The following DPYD variants were observed in gnomAD, a reference collection of about 807,000 sequenced individuals.
DPYD encodes the protein dihydropyrimidine dehydrogenase [NADP(+)].
DPYD carries 109 observed loss-of-function variants against 116.2 expected under a neutral mutation model. The observed-to-expected ratio is 0.94, with a 90% CI of 0.80 to 1.10. The LOEUF (loss-of-function observed/expected upper bound fraction) is 1.10. DPYD is among the 50% of genes least tolerant of loss of function. The probability of loss-of-function intolerance (pLI) is 0.00; values close to 1 mark genes in which losing one functional copy is unlikely to be tolerated. For synonymous variants in DPYD, 440 were observed against 432.0 expected, an observed-to-expected ratio of 1.02 and a Z score of -0.23; for missense variants, 1,302 against 1,254.5, an observed-to-expected ratio of 1.04 and a Z score of -0.57.
intron 3 of DPYD, among the ~76,000 whole-genome samples, chr1:97,779,300 A>AAC (rs889732797): frequency 1.4e-4 from 11 of 78,680 alleles, no homozygotes; most frequent in African/African-American, 2.4e-4. Context: ...TAATTTTGCA[A>AAC]ACACACACAC....
chr1:97,453,206 G>T (rs569312990), intron 13 of DPYD, among the ~76,000 whole-genome samples: 3 of 151,978 alleles, frequency 2.0e-5, no homozygotes, highest in Non-Finnish European at 4.4e-5. Flanking sequence ...AGACCTTCCT[G>T]GTTGCTAGTT....
chr1:97,688,752 G>A (rs150320566), intron 7 of DPYD, among the ~76,000 whole-genome samples: 1,723 of 151,794 alleles, frequency 0.011, 34 homozygotes, highest in African/African-American at 0.04. Flanking sequence ...CGATATTTCT[G>A]GTTTTAATAT....
intron 2 of DPYD, among the ~76,000 whole-genome samples, chr1:97,880,637 A>C (rs1011150462): frequency 6.6e-6 from 1 of 151,942 alleles, no homozygotes; most frequent in Non-Finnish European, 1.5e-5. Context: ...CATAGATCTA[A>C]AGCTTTCATT....
chr1:97,502,808 A>G (rs1679665459), intron 13 of DPYD, among the ~76,000 whole-genome samples: 1 of 152,132 alleles, frequency 6.6e-6, no homozygotes, highest in South Asian at 2.1e-4. Context: ...TTTTATTGAC[A>G]GGGTATTTTA....
chr1:97,557,415 A>G (rs1163517471), intron 11 of DPYD, among the ~76,000 whole-genome samples: 1 of 147,996 alleles, frequency 6.8e-6, no homozygotes, highest in Non-Finnish European at 1.5e-5. Flanking sequence ...TCAAGTGATC[A>G]AGTGATTCTC....
chr1:97,828,664 C>G (rs1433357081), intron 2 of DPYD, among the ~76,000 whole-genome samples: 1 of 148,316 alleles, frequency 6.7e-6, no homozygotes, highest in African/African-American at 2.5e-5. Flanking sequence ...GGATAGAGCA[C>G]AGATATAATA....
At chr1:97,700,549 T>A (rs1661540441) in intron 5 of DPYD, among the ~76,000 whole-genome samples, 1 of 152,042 alleles carries the variant, frequency 6.6e-6, no homozygotes, top group South Asian at 2.1e-4. Context: ...TGGATTTAAA[T>A]GACAGTGATC....
At chr1:97,782,133 C>T (rs1286593264) in intron 3 of DPYD, among the ~76,000 whole-genome samples, 1 of 152,172 alleles carries the variant, frequency 6.6e-6, no homozygotes, top group Non-Finnish European at 1.5e-5. Flanking sequence ...TAAACTCAGA[C>T]ACCTTTTTCT....
intron 20 of DPYD, among the ~76,000 whole-genome samples, chr1:97,115,935 T>C (rs961085501): frequency 1.3e-5 from 2 of 152,146 alleles, no homozygotes; most frequent in African/African-American, 4.8e-5. Context: ...TTTGAGGATA[T>C]AGATTTTTTT....
chr1:97,379,969 T>C (rs960441978), intron 15 of DPYD, among the ~76,000 whole-genome samples: 1 of 152,234 alleles, frequency 6.6e-6, no homozygotes, highest in African/African-American at 2.4e-5. Context: ...ATGCACCATA[T>C]TGCACTTGTT....
chr1:97,297,189 G>A (rs376358879), intron 18 of DPYD, among the ~76,000 whole-genome samples: 3 of 152,116 alleles, frequency 2.0e-5, no homozygotes, highest in African/African-American at 7.2e-5. Context: ...GAATTGAAAC[G>A]TTGGACTCTC....
At chr1:97,207,506 C>T (rs1045846013) in intron 19 of DPYD, among the ~76,000 whole-genome samples, 2 of 152,052 alleles carry the variant, frequency 1.3e-5, no homozygotes, top group Non-Finnish European at 2.9e-5. Context: ...AGTCTGGATG[C>T]CTGAGTCTTA....
At chr1:97,176,619 G>A (rs186363152) in intron 20 of DPYD, among the ~76,000 whole-genome samples, 57 of 152,244 alleles carry the variant, frequency 3.7e-4, no homozygotes, top group African/African-American at 1.2e-3. Context: ...TAATTGTCAG[G>A]GATAATCACT....
At chr1:97,764,508 T>C (rs1394301312) in intron 3 of DPYD, among the ~76,000 whole-genome samples, 1 of 152,100 alleles carries the variant, frequency 6.6e-6, no homozygotes, top group Non-Finnish European at 1.5e-5. Context: ...TTTTAGCATT[T>C]GTCTTTCAGT....
intron 14 of DPYD, among the ~76,000 whole-genome samples, chr1:97,436,169 C>T: frequency 6.6e-6 from 1 of 151,860 alleles, no homozygotes. Flanking sequence ...GAGAAGATTG[C>T]ATTAGAGTTG....
At chr1:97,823,572 A>G (rs944704864) in intron 3 of DPYD, among the ~76,000 whole-genome samples, 2 of 152,168 alleles carry the variant, frequency 1.3e-5, no homozygotes, top group Non-Finnish European at 2.9e-5. Flanking sequence ...AATTCCACAT[A>G]AAAGTGAGAT....
In DPYD at chr1:97,607,489, G is replaced by A. The variant is rs149191991; in HGVS notation, c.851-12323C>T. ...AAGCTCAGGAGGGAAATCCCGTCTAGATAAACAGATTTGAAAATTGTTAGC... is the reference window on the plus strand; with the variant it reads ...AAGCTCAGGAGGGAAATCCCGTCTAAATAAACAGATTTGAAAATTGTTAGC... On this transcript the variant is annotated intron_variant, in intron 8 of 22. Coordinates refer to ENST00000370192, the MANE Select transcript of DPYD (RefSeq NM_000110.4). Among the ~76,000 whole-genome samples, 317 of 151,964 alleles carry A rather than the reference G, an allele frequency of 2.1e-3. 1 individual carries two copies. The highest frequency in any genetic ancestry group is 7.5e-3 in the African/African-American group (310 of 41,484).
chr1:97,561,887 C>T (rs1356978228), intron 11 of DPYD, among the ~76,000 whole-genome samples: 1 of 152,178 alleles, frequency 6.6e-6, no homozygotes, highest in East Asian at 1.9e-4. Flanking sequence ...CTCCACAAAA[C>T]CTTTTAATTC....
intron 2 of DPYD, among the ~76,000 whole-genome samples, chr1:97,863,816 G>GATCT (rs1671239312): frequency 6.6e-6 from 1 of 151,876 alleles, no homozygotes; most frequent in African/African-American, 2.4e-5. Flanking sequence ...CAGTAATATA[G>GATCT]ATCTGTCCAG....
Sources: gnomAD v4.1 joint callset for allele counts (sites outside exome capture counted in the v4.1 genomes callset) on GRCh38, gnomAD v4.1.1 for gene constraint, MANE v1.5 for transcripts, NCBI Gene and HGNC (gene_info 2026-07-23, HGNC 2026-07-21) for gene names.